Variants in STK33 observed in about 807,000 individuals in gnomAD.
STK33 encodes serine/threonine kinase 33.
STK33 carries 52 observed loss-of-function variants against 58.0 expected under a neutral mutation model. The observed-to-expected ratio is 0.90, with a 90% CI of 0.72 to 1.13. STK33 has a LOEUF of 1.13. Among genes scored for constraint, STK33 ranks in the 50% most tolerant of loss-of-function variants. STK33 has a pLI of 0.00. For missense variants in STK33, 630 were observed against 604.2 expected, an observed-to-expected ratio of 1.04 and a Z score of -0.45; for synonymous variants, 215 against 200.1, an observed-to-expected ratio of 1.07 and a Z score of -0.63.
intron 11 of STK33, among the ~76,000 whole-genome samples, chr11:8,444,613 A>T (rs1482601317): frequency 6.6e-6 from 1 of 152,188 alleles, no homozygotes; most frequent in African/African-American, 2.4e-5. Flanking sequence ...GAATATAACC[A>T]CAGGTACACA....
At chr11:8,388,351 C>A (rs183751763), downstream of STK33, among the ~76,000 whole-genome samples, 113 of 152,348 alleles carry the variant, frequency 7.4e-4, no homozygotes, top group African/African-American at 2.6e-3. Context: ...CTGAAGAAGG[C>A]AGCCACAAGA....
At chr11:8,396,271 T>C (rs1254011996) in intron 15 of STK33, among the ~76,000 whole-genome samples, 2 of 152,186 alleles carry the variant, frequency 1.3e-5, no homozygotes, top group East Asian at 3.8e-4. Flanking sequence ...ACCCAGCTAA[T>C]TTTTGTATTT....
chr11:8,592,546 C>T (rs974691214), intron 1 of STK33, among the ~76,000 whole-genome samples: 6 of 152,120 alleles, frequency 3.9e-5, no homozygotes, highest in African/African-American at 7.2e-5. Context: ...GGCAATGTTT[C>T]GATGTTTTGA....
At chr11:8,427,041 T>C (rs1490389356) in intron 14 of STK33, among the ~76,000 whole-genome samples, 1 of 152,206 alleles carries the variant, frequency 6.6e-6, no homozygotes, top group Non-Finnish European at 1.5e-5. Flanking sequence ...TTTGTATTTT[T>C]TGATATCAGC....
At chr11:8,579,214 T>C (rs1380376480) in intron 1 of STK33, among the ~76,000 whole-genome samples, 1 of 151,994 alleles carries the variant, frequency 6.6e-6, no homozygotes, top group Non-Finnish European at 1.5e-5. Context: ...TGTGAGCAAT[T>C]AGGAACCATC....
the STK33 span, among the ~76,000 whole-genome samples, chr11:8,363,477 C>CCA: frequency 6.6e-6 from 1 of 152,108 alleles, no homozygotes; most frequent in African/African-American, 2.4e-5. Context: ...CCCCAGGTAA[C>CCA]CACTCTTCTG....
chr11:8,424,943 C>T (rs1190249774), intron 14 of STK33, among the ~76,000 whole-genome samples: 1 of 135,042 alleles, frequency 7.4e-6, no homozygotes, highest in African/African-American at 2.9e-5. Flanking sequence ...GTTGCCTGTT[C>T]ACTCTGAGGG....
At chr11:8,584,124 A>G (rs12576227) in intron 1 of STK33, among the ~76,000 whole-genome samples, 8,267 of 151,468 alleles carry the variant, frequency 0.055, 409 homozygotes, top group African/African-American at 0.14. Flanking sequence ...AAAAAAAAAA[A>G]AAAGAAAGAA....
At chr11:8,485,286 T>C (rs1950123652) in intron 1 of STK33, among the ~76,000 whole-genome samples, 1 of 152,206 alleles carries the variant, frequency 6.6e-6, no homozygotes, top group South Asian at 2.1e-4. Flanking sequence ...GCAAAAATTG[T>C]AAGTGATTCT....
chr11:8,363,711 G>A, the STK33 span, among the ~76,000 whole-genome samples: 1 of 152,226 alleles, frequency 6.6e-6, no homozygotes, highest in Admixed American at 6.5e-5. Flanking sequence ...CTAGTCAGTG[G>A]AGGAAAAGTA....
chr11:8,343,039 G>GCAGAGTGCCTCCTATGCAAAA, the STK33 span, among the ~76,000 whole-genome samples: 1 of 152,250 alleles, frequency 6.6e-6, no homozygotes, highest in Admixed American at 6.5e-5. Context: ...GAAGTCCGCT[G>GCAGAGTGCCTCCTATGCAAAA]GGAGAAGGAC....
intron 11 of STK33, among the ~76,000 whole-genome samples, chr11:8,451,403 T>C (rs776814398): frequency 1.3e-5 from 2 of 152,072 alleles, no homozygotes. Context: ...TTCAACAATA[T>C]AGAAGAGCAG....
At chr11:8,382,316 C>T in the STK33 span, among the ~76,000 whole-genome samples, 8 of 152,316 alleles carry the variant, frequency 5.3e-5, no homozygotes, top group African/African-American at 1.7e-4. Context: ...TGCACAGTCG[C>T]TGATGGTAGC....
At chr11:8,489,272 G>GAAAAAAAAAAAAAAAAAAA (rs60919146) in intron 1 of STK33, among the ~76,000 whole-genome samples, 1 of 126,586 alleles carries the variant, frequency 7.9e-6, no homozygotes, top group Non-Finnish European at 1.6e-5. Context: ...AAAAAAAAAA[G>GAAAAAAAAAAAAAAAAAAA]AAAAAAAAAA....
chr11:8,530,109 G>A (rs1322027192), intron 1 of STK33, among the ~76,000 whole-genome samples: 1 of 152,182 alleles, frequency 6.6e-6, no homozygotes, highest in African/African-American at 2.4e-5. Context: ...CTACAAAGAT[G>A]AGAATGTGGA....
intron 6 of STK33, among the ~76,000 whole-genome samples, chr11:8,467,903 C>T (rs1374074540): frequency 6.6e-6 from 1 of 151,960 alleles, no homozygotes; most frequent in Non-Finnish European, 1.5e-5. Flanking sequence ...TGAGATCGCA[C>T]CACTGCACTC....
the STK33 span, among the ~76,000 whole-genome samples, chr11:8,341,634 C>G: frequency 6.6e-6 from 1 of 152,194 alleles, no homozygotes; most frequent in East Asian, 1.9e-4. Flanking sequence ...CAGAGAATAC[C>G]AGAGCCAAGG....
intron 1 of STK33, among the ~76,000 whole-genome samples, chr11:8,513,830 C>T (rs1219016920): frequency 1.3e-5 from 2 of 152,126 alleles, no homozygotes; most frequent in East Asian, 1.9e-4. Context: ...TTCAATTATA[C>T]TCTTTTAGTT....
chr11:8,380,745 A>C, the STK33 span, among the ~76,000 whole-genome samples: 2 of 152,206 alleles, frequency 1.3e-5, no homozygotes, highest in African/African-American at 4.8e-5. Flanking sequence ...TATCTACCCA[A>C]AGGAAAATAA....
Sources: gnomAD v4.1 joint callset for allele counts (sites outside exome capture counted in the v4.1 genomes callset) on GRCh38, gnomAD v4.1.1 for gene constraint, MANE v1.5 for transcripts, NCBI Gene and HGNC (gene_info 2026-07-23, HGNC 2026-07-21) for gene names.